The following TSGA10 variants were observed in gnomAD, a reference collection of about 807,000 sequenced individuals.
The protein encoded by TSGA10 is testis specific 10.
In TSGA10, 43 loss-of-function variants were observed where a neutral mutation model predicts 96.6. The ratio of observed to expected loss-of-function variants is 0.44; its 90% CI spans 0.35 to 0.57. The LOEUF is 0.57. TSGA10 is among the 20% of genes least tolerant of loss of function. The probability of loss-of-function intolerance (pLI) is 0.01; values close to 1 mark genes in which losing one functional copy is unlikely to be tolerated. For missense variants in TSGA10, 703 were observed against 834.4 expected (o/e 0.84, Z 1.94); for synonymous variants, 229 against 269.9 (o/e 0.85, Z 1.48).
chr2:99,149,572 A>G (rs1033327493), intron 1 of TSGA10, among the ~76,000 whole-genome samples: 1 of 149,662 alleles, frequency 6.7e-6, no homozygotes, highest in Admixed American at 6.7e-5. Flanking sequence ...CCTCCCGAGT[A>G]GCTGGGACTA....
chr2:99,011,755 C>A (rs185099196), intron 20 of TSGA10, among the ~76,000 whole-genome samples: 2 of 151,928 alleles, frequency 1.3e-5, no homozygotes, highest in African/African-American at 4.8e-5. Context: ...TATAAGAAAA[C>A]AAATGGGGTA....
chr2:99,059,062 A>C (rs1021188448), intron 16 of TSGA10, among the ~76,000 whole-genome samples: 7 of 111,342 alleles, frequency 6.3e-5, no homozygotes, highest in African/African-American at 3.6e-4. Flanking sequence ...ATATATATAT[A>C]TATATATTTA....
intron 16 of TSGA10, among the ~76,000 whole-genome samples, chr2:99,042,506 T>C (rs981555254): frequency 1.3e-5 from 2 of 152,138 alleles, no homozygotes; most frequent in Non-Finnish European, 2.9e-5. Context: ...CTTTGGCCAC[T>C]GTGTAACATG....
chr2:99,137,870 G>C (rs1032120510), intron 1 of TSGA10, among the ~76,000 whole-genome samples: 16 of 140,792 alleles, frequency 1.1e-4, no homozygotes, highest in African/African-American at 4.2e-4. Flanking sequence ...CTGGGCAACA[G>C]AGTGAGACTC....
chr2:99,000,740 C>A (rs2104776640), intron 20 of TSGA10, among the ~76,000 whole-genome samples: 1 of 152,232 alleles, frequency 6.6e-6, no homozygotes, highest in Non-Finnish European at 1.5e-5. Flanking sequence ...TCGGGGAATT[C>A]CCTTTCCTAG....
intron 12 of TSGA10, among the ~76,000 whole-genome samples, chr2:99,075,626 C>T (rs1179604947): frequency 1.3e-5 from 2 of 152,100 alleles, no homozygotes; most frequent in African/African-American, 4.8e-5. Flanking sequence ...GAGAACATTT[C>T]CTCTTTTGAT....
intron 1 of TSGA10, among the ~76,000 whole-genome samples, chr2:99,149,597 C>G (rs1222844208): frequency 5.3e-5 from 8 of 151,334 alleles, no homozygotes; most frequent in Non-Finnish European, 1.0e-4. Flanking sequence ...TGCCCGCCAC[C>G]ACGCCCGGCT....
chr2:99,105,611 C>G lies in TSGA10; in HGVS notation c.297G>C (p.Arg99=). 6 of 1,610,490 alleles carry G rather than the reference C, an allele frequency of 3.7e-6. No homozygotes were observed. The highest frequency in any genetic ancestry group is 5.1e-6 in the Non-Finnish European group (6 of 1,176,940). ...PKSTTAHAIL[R]RVETERDVAF... is the part of the protein sequence containing the mutation. ...CTACATCTCTTTCAGTCTCCACTCG[C>G]CGGAGAATAGCATGTGCCGTTGTTG... The change falls in exon 8 of 21, where the codon CGG becomes CGC. Residue 99 remains arginine (R), a synonymous_variant. Coordinates refer to ENST00000393483, the MANE Select transcript of TSGA10 (RefSeq NM_025244.4).
chr2:99,041,208 T>C (rs1197545634), intron 16 of TSGA10, among the ~76,000 whole-genome samples: 1 of 152,222 alleles, frequency 6.6e-6, no homozygotes, highest in Non-Finnish European at 1.5e-5. Context: ...GCATAAGAGA[T>C]AAACATGTCT....
At position 99,117,701 on chromosome 2, in the gene TSGA10, T is replaced by C; in HGVS notation, c.-297A>G. The C allele has an allele frequency of 4.1e-6, 4 of 985,778 alleles. No homozygotes were observed. The South Asian group carries it at 1.4e-4, about 35-fold the overall frequency. The allele number at this position is 985,778 out of a possible 1,614,324, so 61.1% of individuals were successfully genotyped here. ...TTGACTGCTTACCACCTCCTTACTA[T>C]CCAAGAGTTTCCTAACATATTCTTC... On this transcript the variant is annotated 5_prime_UTR_variant, in exon 4 of 21. Transcript: ENST00000393483.
intron 16 of TSGA10, among the ~76,000 whole-genome samples, chr2:99,063,989 A>G (rs2084973035): frequency 6.6e-6 from 1 of 152,170 alleles, no homozygotes; most frequent in Admixed American, 6.5e-5. Context: ...AAAGTATGGA[A>G]AAAATTGTCT....
At position 99,117,576 on chromosome 2, in the gene TSGA10, C is replaced by A; in HGVS notation, c.-172G>T. On this transcript the variant is annotated 5_prime_UTR_variant, in exon 4 of 21. Coordinates refer to ENST00000393483, the MANE Select transcript of TSGA10 (RefSeq NM_025244.4). ...TCTTCAAGTTCCTTGTTGGCGGAAT[C>A]CACCACAAAATTTTTCTCTTTTTCG... The A allele has an allele frequency of 1.0e-6, 1 of 985,806 alleles. No homozygotes were observed. Among genetic ancestry groups the A allele is most frequent in the South Asian group, 4.7e-5 (1 of 21,286 alleles). The allele number at this position is 985,806 out of a possible 1,614,324, so 61.1% of individuals were successfully genotyped here. A position where few individuals can be genotyped will look rare whatever the true frequency, so the allele number is the denominator to read the frequency against.
intron 1 of TSGA10, among the ~76,000 whole-genome samples, chr2:99,132,034 T>C (rs1476459706): frequency 2.6e-5 from 4 of 152,082 alleles, no homozygotes; most frequent in African/African-American, 7.2e-5. Context: ...CAGTATTTTA[T>C]TGAGGATTTT....
chr2:99,107,388 A>G (rs1253607165), intron 7 of TSGA10, among the ~76,000 whole-genome samples: 1 of 152,208 alleles, frequency 6.6e-6, no homozygotes, highest in African/African-American at 2.4e-5. Flanking sequence ...TGTGAGAAAT[A>G]AAAATTTGCC....
intron 20 of TSGA10, among the ~76,000 whole-genome samples, chr2:99,003,595 A>C (rs2078174851): frequency 6.6e-6 from 1 of 152,174 alleles, no homozygotes; most frequent in East Asian, 1.9e-4. Context: ...ATTATAACAA[A>C]CTGTCTCTCT....
At chr2:99,128,125 T>C (rs2092919960) in intron 1 of TSGA10, among the ~76,000 whole-genome samples, 1 of 152,168 alleles carries the variant, frequency 6.6e-6, no homozygotes, top group African/African-American at 2.4e-5. Flanking sequence ...CAGCTGCTGT[T>C]CTCCAAAATC....
chr2:99,113,697 C>A lies in TSGA10; in HGVS notation c.-139-2782G>T, dbSNP rs139781095. Among the ~76,000 whole-genome samples, 9 of 152,276 alleles carry A rather than the reference C, an allele frequency of 5.9e-5. No individual in the cohort carries two copies. The South Asian group carries it at 8.3e-4, about 14-fold the overall frequency. ...GGTAGCTGGGATTACAGGTGCCCAC[C>A]ACCATGCCCAGCTAGTTTTTTGTAT... On this transcript the variant is annotated intron_variant, in intron 4 of 20. Transcript: ENST00000393483.
In TSGA10 at chr2:99,105,362, A is replaced by G. The variant is rs755499041; in HGVS notation, c.456T>C (p.His152=). 1 of 1,581,712 alleles carries G rather than the reference A, an allele frequency of 6.3e-7. No individual in the cohort carries two copies. The highest frequency in any genetic ancestry group is 1.7e-5 in the Admixed American group (1 of 57,226). The change falls in exon 9 of 21, where the codon CAT becomes CAC. Residue 152 remains histidine (H), a synonymous_variant. Transcript: ENST00000393483. ...TTTTCTTTTTTTTTTTTTTTACATT[A>G]TGAACTGTACACTCCAGCTCCTCTA... ...QRIEELECTV[H]NLDDERMEQM...
chr2:99,066,288 T>C (rs1250166994), intron 15 of TSGA10, among the ~76,000 whole-genome samples: 1 of 152,198 alleles, frequency 6.6e-6, no homozygotes, highest in Non-Finnish European at 1.5e-5. Context: ...ATTCAGATAC[T>C]CCAACTGTGT....
Sources: allele counts gnomAD v4.1 joint callset (sites outside exome capture counted in the v4.1 genomes callset), GRCh38; gene constraint gnomAD v4.1.1; transcripts MANE v1.5; gene names NCBI Gene and HGNC (gene_info 2026-07-23, HGNC 2026-07-21).